Variants in TTC21A observed in about 807,000 individuals in gnomAD.
The protein encoded by TTC21A is tetratricopeptide repeat protein 21A.
In TTC21A, 128 loss-of-function variants were observed where a neutral mutation model predicts 156.4. The ratio of observed to expected loss-of-function variants is 0.82; its 90% confidence interval spans 0.71 to 0.95. The LOEUF (loss-of-function observed/expected upper bound fraction) is 0.95. TTC21A is among the 40% of genes least tolerant of loss of function. The pLI is 0.00. For missense variants in TTC21A, 1,435 were observed against 1,602.3 expected (o/e 0.90, Z 1.78); for synonymous variants, 587 against 617.1 (o/e 0.95, Z 0.72).
Position 39,126,274 on chromosome 3 carries a change from GCCA to G in TTC21A, c.1407_1409del (p.Gln470del). The G allele has an allele frequency of 6.2e-7, 1 of 1,614,044 alleles. No homozygotes were observed. Among genetic ancestry groups the G allele is most frequent in the Non-Finnish European group, 8.5e-7 (1 of 1,179,976 alleles). ...GTGTTCCCACAGCCCAGGTTACCAG[GCCA>G]GATCGTGTCTCCACTTCTTAAACAA... On this transcript the variant is annotated inframe_deletion, in exon 12 of 29. Coordinates refer to ENST00000683103, the MANE Select transcript of TTC21A (RefSeq NM_001366900.1).
intron 19 of TTC21A, chr3:39,132,742 C>G (rs1021011377): frequency 4.7e-6 from 2 of 427,360 alleles, no homozygotes; most frequent in Non-Finnish European, 8.5e-6. Flanking sequence ...TGTGCTAGTT[C>G]TAGCCTGTAG....
At chr3:39,120,666 C>T (rs1371880063) in intron 8 of TTC21A, among the ~76,000 whole-genome samples, 1 of 152,214 alleles carries the variant, frequency 6.6e-6, no homozygotes, top group East Asian at 1.9e-4. Context: ...CTGATGGCAG[C>T]CTTTGGGGCC....
At chr3:39,123,020 C>G (rs1287054286) in intron 9 of TTC21A, among the ~76,000 whole-genome samples, 1 of 152,194 alleles carries the variant, frequency 6.6e-6, no homozygotes, top group African/African-American at 2.4e-5. Context: ...AAAGGTTGGC[C>G]GAGTGGAACA....
chr3:39,131,024 A>G lies in TTC21A; in HGVS notation c.2491A>G (p.Lys831Glu). 1.2e-6 allele frequency: 2 copies of G among 1,614,004 alleles called. No individual in the cohort carries two copies. Residue 831 changes from lysine (K) to glutamate (E), a missense_variant, in exon 19 of 29, where the codon AAG becomes GAG. Lys to Glu is a moderately conservative substitution (Grantham distance 56, BLOSUM62 1). Coordinates refer to ENST00000683103, the MANE Select transcript of TTC21A (RefSeq NM_001366900.1). ...CATCCCATCCATGATGAATGATGTT[A>G]AGTGCCTGCTTTTGCTGGCAAAGGT... Reference protein sequence around the residue: ...QDIPSMMNDVKCLLLLAKVYK... With the variant: ...QDIPSMMNDVECLLLLAKVYK...
chr3:39,121,248 C>T, intron 9 of TTC21A, 59 bp downstream of exon 9: 3 of 1,491,984 alleles, frequency 2.0e-6, no homozygotes, highest in South Asian at 1.2e-5. Flanking sequence ...CGGGCAGCTT[C>T]CATGGGTCCA....
chr3:39,112,622 G>A lies in TTC21A; in HGVS notation c.558+42G>A, dbSNP rs759180206. 4.4e-6 allele frequency: 7 copies of A among 1,608,114 alleles called. No homozygotes were observed. In the South Asian group the frequency reaches 7.8e-5, roughly 18 times the overall value. ...GGAGAGGTGGAAGTATTCCTGGCCA[G>A]GCCACTGGAACCAGAGACCCACCAG... On this transcript the variant is annotated intron_variant, in intron 5 of 28. Coordinates refer to ENST00000683103, the MANE Select transcript of TTC21A (RefSeq NM_001366900.1).
In TTC21A at chr3:39,130,343, C is replaced by T. The variant is rs73070228; in HGVS notation, c.2304C>T (p.Ala768=). The change falls in exon 17 of 29, where the codon GCC becomes GCT. Residue 768 remains alanine (A), a synonymous_variant. Coordinates refer to ENST00000683103, the MANE Select transcript of TTC21A (RefSeq NM_001366900.1). The surrounding 1 kb of genome is among the most constrained non-coding windows in gnomAD (Gnocchi z 4.5). The part of the protein sequence containing the change: ...ASRIGHAYVK[A]HQYTEAIEYY... Reference sequence around the variant, plus strand: ...GAATTGGGCACGCTTATGTGAAGGCCCACCAGTATACTGAGGTCAGGCTGG... The same window carrying T: ...GAATTGGGCACGCTTATGTGAAGGCTCACCAGTATACTGAGGTCAGGCTGG... The T allele has an allele frequency of 1.2e-5, 20 of 1,612,990 alleles. No individual in the cohort carries two copies. The highest frequency in any genetic ancestry group is 1.7e-5 in the Non-Finnish European group (20 of 1,179,480).
chr3:39,117,240 C>T (rs1165648193), intron 6 of TTC21A, among the ~76,000 whole-genome samples: 1 of 152,188 alleles, frequency 6.6e-6, no homozygotes, highest in Non-Finnish European at 1.5e-5. Context: ...TTAATTCTCA[C>T]ATGTATGAGG....
chr3:39,121,240 G>T, intron 9 of TTC21A, 51 bp downstream of exon 9: 1 of 1,541,292 alleles, frequency 6.5e-7, no homozygotes, highest in Non-Finnish European at 8.8e-7. Context: ...AGCCAAACCG[G>T]GCAGCTTCCA....
intron 2 of TTC21A, among the ~76,000 whole-genome samples, chr3:39,109,759 C>T (rs149167358): frequency 5.3e-5 from 8 of 152,324 alleles, no homozygotes; most frequent in South Asian, 4.1e-4. Flanking sequence ...TCAGAACTGA[C>T]GCAGCTAATA....
In TTC21A at chr3:39,128,495, G is replaced by A. The variant is rs1472477262; in HGVS notation, c.1680+7G>A. 1 of 1,614,030 alleles carries A rather than the reference G, an allele frequency of 6.2e-7. No individual in the cohort carries two copies. The highest frequency in any genetic ancestry group is 2.2e-5 in the East Asian group (1 of 44,880). ...TGTCAGCCACAACTTCCAGGTGGGT[G>A]CCCTCTCATCCTCTCAGCATCCCAA... is the stretch of plus-strand genomic sequence containing the variant. On this transcript the variant is annotated splice_region_variant and intron_variant, in intron 13 of 28. Transcript: ENST00000683103.
intron 12 of TTC21A, among the ~76,000 whole-genome samples, chr3:39,126,626 TACACACACAC>T (rs58486401): frequency 1.2e-4 from 18 of 147,602 alleles, no homozygotes; most frequent in Admixed American, 5.4e-4. Context: ...CCTGGTGTAC[TACACACACAC>T]ACACACACAC....
At position 39,130,257 on chromosome 3, in the gene TTC21A, G is replaced by A; in HGVS notation, c.2218G>A (p.Ala740Thr). Residue 740 changes from alanine (A) to threonine (T), a missense_variant, in exon 17 of 29, where the codon GCC becomes ACC. Ala to Thr is a moderately conservative substitution (Grantham distance 58, BLOSUM62 0). Transcript: ENST00000683103. The surrounding 1 kb of genome is among the most constrained non-coding windows in gnomAD (Gnocchi z 4.5). Reference sequence around the variant, plus strand: ...ACACTTTCCCCACCAGCCCGAGAAGGCCCTGGAGGTCTATGATGAGGCCTA... The same window carrying A: ...ACACTTTCCCCACCAGCCCGAGAAGACCCTGGAGGTCTATGATGAGGCCTA... Reference protein sequence around the residue: ...ALMSILEPEKALEVYDEAYRQ... With the variant: ...ALMSILEPEKTLEVYDEAYRQ... The A allele has an allele frequency of 1.9e-6, 3 of 1,613,680 alleles. No homozygotes were observed. Among genetic ancestry groups the A allele is most frequent in the Non-Finnish European group, 2.5e-6 (3 of 1,179,778 alleles).
chr3:39,112,688 T>A, intron 5 of TTC21A, 108 bp downstream of exon 5: 1 of 1,491,246 alleles, frequency 6.7e-7, no homozygotes, highest in Non-Finnish European at 9.0e-7. Flanking sequence ...AGATGCCTCA[T>A]CTCGTAGATA....
Position 39,138,879 on chromosome 3 carries a change from G to A in TTC21A, c.*91G>A. ...AGTGGGTCAGTGGAGAAGGGATTCA[G>A]AAAATGACACATTCTTCCCCATTTC... On this transcript the variant is annotated 3_prime_UTR_variant, in exon 29 of 29. Coordinates refer to ENST00000683103, the MANE Select transcript of TTC21A (RefSeq NM_001366900.1). The A allele has an allele frequency of 9.8e-7, 1 of 1,015,594 alleles. No individual in the cohort carries two copies. Among genetic ancestry groups the A allele is most frequent in the Non-Finnish European group, 1.5e-6 (1 of 674,456 alleles). The allele number at this position is 1,015,594 out of a possible 1,614,324, so 62.9% of individuals were successfully genotyped here. A position where few individuals can be genotyped will look rare whatever the true frequency, so the allele number is the denominator to read the frequency against.
In TTC21A at chr3:39,110,913, A is replaced by T; in HGVS notation, c.331A>T (p.Thr111Ser). ...LKEIRKTVSG[T>S]ALYYAGLFLW... ...GGAAATACGCAAGACAGTCAGTGGGACTGCACTGTACTATGCTGGCCTTTT... is the reference window on the plus strand; with the variant it reads ...GGAAATACGCAAGACAGTCAGTGGGTCTGCACTGTACTATGCTGGCCTTTT... The change falls in exon 4 of 29, where the codon ACT becomes TCT. Residue 111 changes from threonine to serine, a missense_variant. Transcript: ENST00000683103. 1.2e-6 allele frequency: 2 copies of T among 1,614,062 alleles called. No homozygotes were observed. The highest frequency in any genetic ancestry group is 1.7e-6 in the Non-Finnish European group (2 of 1,180,012).
chr3:39,118,739 T>C (rs1404097850), intron 7 of TTC21A: 2 of 153,408 alleles, frequency 1.3e-5, no homozygotes, highest in African/African-American at 4.8e-5. Flanking sequence ...TAGTGAAACC[T>C]CAATACCCAG....
chr3:39,138,130 G>A (rs981497627), intron 26 of TTC21A, 137 bp from the exon 27 acceptor site: 3 of 1,331,520 alleles, frequency 2.3e-6, no homozygotes, highest in African/African-American at 2.9e-5. Context: ...GTACCCCTGG[G>A]GTCCCTTGGC....
chr3:39,111,694 A>G (rs1049205975), intron 4 of TTC21A, among the ~76,000 whole-genome samples: 1 of 152,252 alleles, frequency 6.6e-6, no homozygotes, highest in Admixed American at 6.5e-5. Flanking sequence ...AGATATATAT[A>G]CAGTACACAA....
Sources: allele counts gnomAD v4.1 joint callset (sites outside exome capture counted in the v4.1 genomes callset), GRCh38; gene constraint gnomAD v4.1.1; non-coding constraint Gnocchi (gnomAD v3.1); transcripts MANE v1.5; gene names NCBI Gene and HGNC (gene_info 2026-07-23, HGNC 2026-07-21).